Variants in SYNE2 observed in about 807,000 individuals in gnomAD.
SYNE2 encodes nesprin-2.
A neutral mutation model predicts 856.3 loss-of-function variants in SYNE2; 431 were observed. That is an observed-to-expected ratio of 0.50 (90% confidence interval 0.47 to 0.55). The LOEUF (loss-of-function observed/expected upper bound fraction) is 0.55, where lower values mean the gene tolerates loss of function less well. SYNE2 is among the 20% of genes least tolerant of loss of function. The pLI is 0.00. For missense variants in SYNE2, 8,129 were observed against 8,023.2 expected (o/e 1.01, Z -0.50); for synonymous variants, 2,923 against 2,872.3 (o/e 1.02, Z -0.56).
chr14:63,774,147 A>G (rs1887022364), intron 1 of SYNE2, among the ~76,000 whole-genome samples: 1 of 152,012 alleles, frequency 6.6e-6, no homozygotes, highest in African/African-American at 2.4e-5. Context: ...AGCCTGGCCA[A>G]CATGGTAAAA....
upstream of SYNE2, among the ~76,000 whole-genome samples, chr14:63,852,826 G>A (rs1043610943): frequency 6.6e-5 from 10 of 152,066 alleles, no homozygotes; most frequent in Admixed American, 3.3e-4. Context: ...CCCAAAAGAC[G>A]GGGAGAAAGT....
At chr14:63,967,984 G>GA (rs1191139617) in intron 11 of SYNE2, 138 bp downstream of exon 11, 12 of 763,956 alleles carry the variant, frequency 1.6e-5, no homozygotes, top group Non-Finnish European at 2.5e-5. Flanking sequence ...CCAACATGGC[G>GA]AAACCCTGTC....
intron 10 of SYNE2, among the ~76,000 whole-genome samples, chr14:63,966,044 T>C (rs2096386517): frequency 6.6e-6 from 1 of 152,244 alleles, no homozygotes; most frequent in Non-Finnish European, 1.5e-5. Flanking sequence ...TCATTTAAAA[T>C]GCTGTCAATA....
chr14:63,856,101 G>A (rs1451520725), intron 1 of SYNE2, among the ~76,000 whole-genome samples: 2 of 152,212 alleles, frequency 1.3e-5, no homozygotes, highest in African/African-American at 2.4e-5. Flanking sequence ...GAGCTAGGTG[G>A]TGTGTGGATT....
At position 64,141,537 on chromosome 14, in the gene SYNE2, G is replaced by C; in HGVS notation, c.15159+14G>C. On this transcript the variant is annotated intron_variant, in intron 81 of 115. Transcript: ENST00000555002. ...AAACTTCACCAGGTAAGTCTTTAGAGCCTCAGCATTTGAATTAGCATTCAC... is the reference window on the plus strand; with the variant it reads ...AAACTTCACCAGGTAAGTCTTTAGACCCTCAGCATTTGAATTAGCATTCAC... 6.2e-7 allele frequency: 1 copy of C among 1,612,456 alleles called. No individual in the cohort carries two copies. The highest frequency in any genetic ancestry group is 8.5e-7 in the Non-Finnish European group (1 of 1,178,852).
intron 66 of SYNE2, among the ~76,000 whole-genome samples, chr14:64,113,990 G>A (rs1161086607): frequency 6.6e-6 from 1 of 152,084 alleles, no homozygotes; most frequent in African/African-American, 2.4e-5. Context: ...GGATTAAATA[G>A]GTATATAAAG....
chr14:64,129,695 CTGTACTATT>C (rs1317567111), intron 74 of SYNE2, 78 bp from the exon 75 acceptor site: 6 of 1,579,762 alleles, frequency 3.8e-6, no homozygotes, highest in Non-Finnish European at 5.2e-6. Context: ...TCATCCCTTT[CTGTACTATT>C]TAATTCTTTT....
chr14:64,035,515 A>ATT (rs35030710), intron 45 of SYNE2, among the ~76,000 whole-genome samples: 78,839 of 121,544 alleles, frequency 0.65, 27,817 homozygotes, highest in East Asian at 0.82. Context: ...TACATGGTAC[A>ATT]TTTTTTTTTT....
chr14:63,851,170 G>A (rs1346229726), upstream of SYNE2, among the ~76,000 whole-genome samples: 1 of 152,168 alleles, frequency 6.6e-6, no homozygotes, highest in Non-Finnish European at 1.5e-5. Flanking sequence ...AGACCAGCCT[G>A]GCCAAGATGG....
intron 45 of SYNE2, among the ~76,000 whole-genome samples, chr14:64,041,624 G>A (rs2097148951): frequency 6.6e-6 from 1 of 152,142 alleles, no homozygotes; most frequent in Non-Finnish European, 1.5e-5. Context: ...TGAGGCAGGA[G>A]GATTGCTTGA....
At chr14:64,047,859 A>G (rs2097197424) in intron 45 of SYNE2, 141 bp from the exon 46 acceptor site, 2 of 886,094 alleles carry the variant, frequency 2.3e-6, no homozygotes, top group Non-Finnish European at 1.7e-6. Context: ...TGGAAAAATC[A>G]TCTTTCGTAG....
chr14:64,220,645 G>T lies in SYNE2; in HGVS notation c.20061+8G>T. The T allele has an allele frequency of 6.2e-7, 1 of 1,613,258 alleles. No homozygotes were observed. On this transcript the variant is annotated splice_region_variant and intron_variant, in intron 111 of 115. Transcript: ENST00000555002. ...TCGCTCATGCAGTGCCAGGTACGCT[G>T]ACTCAGCAGCCCGCCTCCCAGAGCC...
At position 63,941,908 on chromosome 14, in the gene SYNE2, C is replaced by G; in HGVS notation, c.261C>G (p.Thr87=). The change falls in exon 5 of 116, where the codon ACC becomes ACG. Residue 87 remains threonine, a synonymous_variant. Coordinates refer to ENST00000555002, the MANE Select transcript of SYNE2 (RefSeq NM_182914.3). ...QQLPRDKGSN[T]FQCRINIEHA... ...AGCCTCGGGATAAAGGATCTAATAC[C>G]TTCCAGTGTAGAATCAATATAGAAC... The G allele has an allele frequency of 6.2e-7, 1 of 1,613,266 alleles. No individual in the cohort carries two copies. Among genetic ancestry groups the G allele is most frequent in the Non-Finnish European group, 8.5e-7 (1 of 1,179,904 alleles).
chr14:64,117,101 C>T (rs1459874586), intron 66 of SYNE2, among the ~76,000 whole-genome samples: 1 of 152,066 alleles, frequency 6.6e-6, no homozygotes, highest in Non-Finnish European at 1.5e-5. Flanking sequence ...GTGGATAGTA[C>T]CAAACTCTGT....
At chr14:64,013,597 A>G (rs1331912420) in intron 32 of SYNE2, among the ~76,000 whole-genome samples, 1 of 152,044 alleles carries the variant, frequency 6.6e-6, no homozygotes, top group African/African-American at 2.4e-5. Context: ...TTTCTGAGTT[A>G]TTTCTCTTAG....
At position 63,976,984 on chromosome 14, in the gene SYNE2, C is replaced by CA. The variant is rs57088694; in HGVS notation, c.1293+267dup. 0.34 allele frequency among the ~76,000 whole-genome samples: 45,623 copies of CA among 133,452 alleles called. 7,211 individuals carry two copies. Among genetic ancestry groups the CA allele is most frequent in the African/African-American group, 0.4 (14,879 of 36,934 alleles). The allele number at this position is 133,452 out of a possible 152,430, so 87.5% of individuals were successfully genotyped here. A position where few individuals can be genotyped will look rare whatever the true frequency, so the allele number is the denominator to read the frequency against. On this transcript the variant is annotated intron_variant, in intron 12 of 115. Transcript: ENST00000555002. ...AAAGCAACTATAAATAAAGTCTTAC[C>CA]AAAAAAAAAAGGTCAAGGGGTGGGA...
Position 64,065,612 on chromosome 14 carries a change from G to A in SYNE2, c.10393G>A (p.Glu3465Lys), listed in dbSNP as rs376654106. 88 of 1,614,162 alleles carry A rather than the reference G, an allele frequency of 5.5e-5. 1 individual carries two copies. In the South Asian group the frequency reaches 7.2e-4, roughly 13 times the overall value. Residue 3465 changes from glutamate to lysine, a missense_variant, in exon 51 of 116, where the codon GAA becomes AAA. This residue lies in a region of SYNE2 where 5,410 missense variants were observed against 5,284.8 expected (regional missense o/e 1.02). Coordinates refer to ENST00000555002, the MANE Select transcript of SYNE2 (RefSeq NM_182914.3). ...TGCTAAAGAGTGGGAGATGTGGTGCGAAGAACTGAAGCAGGAATGGAAATT... is the reference window on the plus strand; with the variant it reads ...TGCTAAAGAGTGGGAGATGTGGTGCAAAGAACTGAAGCAGGAATGGAAATT... ...EAAKEWEMWC[E>K]ELKQEWKFVS...
intron 98 of SYNE2, among the ~76,000 whole-genome samples, chr14:64,189,690 T>C (rs902685690): frequency 6.6e-6 from 1 of 152,252 alleles, no homozygotes; most frequent in South Asian, 2.1e-4. Context: ...TTAGAAGGTA[T>C]GAGGTTTTGA....
chr14:64,122,080 G>A lies in SYNE2; in HGVS notation c.13227G>A (p.Met4409Ile), dbSNP rs781260575. ...IKFIEFNAKK[M>I]WPQYCQHDND... ...TCATAGAATTTAATGCTAAGAAAAT[G>A]TGGCCCCAGTATTGCCAACATGATA... The change falls in exon 69 of 116, where the codon ATG becomes ATA. Residue 4409 changes from methionine to isoleucine, a missense_variant. Coordinates refer to ENST00000555002, the MANE Select transcript of SYNE2 (RefSeq NM_182914.3). The A allele has an allele frequency of 1.9e-6, 3 of 1,614,034 alleles. No homozygotes were observed. Among genetic ancestry groups the A allele is most frequent in the Non-Finnish European group, 1.7e-6 (2 of 1,180,008 alleles).
Sources: gnomAD v4.1 joint callset for allele counts (sites outside exome capture counted in the v4.1 genomes callset) on GRCh38, gnomAD v4.1.1 for gene constraint, gnomAD v4.1.1 regional missense constraint, MANE v1.5 for transcripts, NCBI Gene and HGNC (gene_info 2026-07-23, HGNC 2026-07-21) for gene names.